GARIN3: variants seen among roughly 807,000 people sequenced by gnomAD.
GARIN3 encodes the protein Golgi-associated RAB2 interactor protein 3.
At chr5:157,163,208 A>T in the GARIN3 span, 1 of 1,614,122 alleles carries the variant, frequency 6.2e-7, no homozygotes, top group Non-Finnish European at 8.5e-7. Context: ...GTACCTTCCA[A>T]GGAGGTGCTT....
chr5:157,166,169 G>A, the GARIN3 span: 1 of 1,604,118 alleles, frequency 6.2e-7, no homozygotes, highest in Non-Finnish European at 8.5e-7. Context: ...CATTGCTCAT[G>A]GTTCTCTTCG....
At chr5:157,162,742 T>G in the GARIN3 span, 2 of 1,614,230 alleles carry the variant, frequency 1.2e-6, no homozygotes, top group Admixed American at 3.3e-5. Context: ...TGTTCTCGAC[T>G]CCTTTTTGGT....
chr5:157,162,648 C>T, the GARIN3 span: 1 of 1,614,014 alleles, frequency 6.2e-7, no homozygotes, highest in Non-Finnish European at 8.5e-7. Flanking sequence ...CCCTGAGGCT[C>T]CTTAAAAAAG....
chr5:157,165,480 G>A, the GARIN3 span: 1 of 1,516,006 alleles, frequency 6.6e-7, no homozygotes, highest in South Asian at 1.4e-5. Context: ...GGCCTCAGAA[G>A]GCACCAAAGG....
the GARIN3 span, chr5:157,163,359 T>C: frequency 6.2e-7 from 1 of 1,614,088 alleles, no homozygotes; most frequent in Non-Finnish European, 8.5e-7. Flanking sequence ...GGCCTGCAGA[T>C]TTGGTTGTTG....
At chr5:157,165,436 T>C in the GARIN3 span, 1 of 1,440,340 alleles carries the variant, frequency 6.9e-7, no homozygotes, top group Non-Finnish European at 9.3e-7. Context: ...CATTTGGTCC[T>C]GAGCCCTTGC....
At chr5:157,163,297 T>A in the GARIN3 span, 3 of 1,614,198 alleles carry the variant, frequency 1.9e-6, no homozygotes, top group Non-Finnish European at 2.5e-6. Flanking sequence ...GGATTCATTT[T>A]CTCCTGGATT....
the GARIN3 span, chr5:157,163,584 G>A: frequency 2.5e-6 from 4 of 1,614,152 alleles, no homozygotes; most frequent in Non-Finnish European, 3.4e-6. Context: ...AAGCAGAAGA[G>A]GTGGCTGCAG....
chr5:157,163,419 C>T, the GARIN3 span: 2 of 1,614,104 alleles, frequency 1.2e-6, no homozygotes, highest in East Asian at 2.2e-5. Context: ...CTGCTATTGC[C>T]ACATCTGTTC....
At chr5:157,163,288 G>A in the GARIN3 span, 1 of 1,614,200 alleles carries the variant, frequency 6.2e-7, no homozygotes. Context: ...GGACTTGCTG[G>A]ATTCATTTTC....
the GARIN3 span, chr5:157,162,321 A>G: frequency 7.2e-7 from 1 of 1,387,490 alleles, no homozygotes; most frequent in Non-Finnish European, 9.7e-7. Context: ...AAATTCAAGC[A>G]GGAGATTGTA....
the GARIN3 span, chr5:157,163,578 A>G: frequency 1.9e-6 from 3 of 1,614,164 alleles, no homozygotes; most frequent in Admixed American, 1.7e-5. Context: ...CAGCATAAGC[A>G]GAAGAGGTGG....
At chr5:157,165,966 C>T in the GARIN3 span, 54 of 1,614,128 alleles carry the variant, frequency 3.3e-5, no homozygotes, top group African/African-American at 2.1e-4. Flanking sequence ...TGTCACCATT[C>T]GGACACGGTT....
chr5:157,165,975 T>C, the GARIN3 span: 1 of 1,614,152 alleles, frequency 6.2e-7, no homozygotes, highest in Non-Finnish European at 8.5e-7. Context: ...TCGGACACGG[T>C]TGTGTACATC....
At chr5:157,163,956 C>T in the GARIN3 span, among the ~76,000 whole-genome samples, 1 of 151,956 alleles carries the variant, frequency 6.6e-6, no homozygotes, top group African/African-American at 2.4e-5. Context: ...ACTCAGTAGG[C>T]TGAGGTAGGA....
the GARIN3 span, chr5:157,163,275 C>G: frequency 6.2e-7 from 1 of 1,614,222 alleles, no homozygotes; most frequent in Admixed American, 1.7e-5. Flanking sequence ...CAGCACCTGC[C>G]ATGGACTTGC....
At chr5:157,165,139 T>C in the GARIN3 span, among the ~76,000 whole-genome samples, 1,244 of 152,308 alleles carry the variant, frequency 8.2e-3, 10 homozygotes, top group Non-Finnish European at 0.013. Context: ...ATTCAGATGA[T>C]GGTTACACTA....
the GARIN3 span, among the ~76,000 whole-genome samples, chr5:157,164,580 T>G: frequency 6.6e-6 from 1 of 152,220 alleles, no homozygotes; most frequent in African/African-American, 2.4e-5. Context: ...CCTTGGACAT[T>G]GTATTTTACA....
the GARIN3 span, among the ~76,000 whole-genome samples, chr5:157,164,100 G>T: frequency 1.2e-3 from 180 of 151,410 alleles, 1 homozygote; most frequent in Non-Finnish European, 2.1e-3. Context: ...AAGAAAAAAG[G>T]AAGGAGAAGG....
Sources: allele counts gnomAD v4.1 joint callset (sites outside exome capture counted in the v4.1 genomes callset), GRCh38; gene constraint gnomAD v4.1.1; transcripts MANE v1.5; gene names NCBI Gene and HGNC (gene_info 2026-07-23, HGNC 2026-07-21).